Variants in MED14 observed in about 807,000 individuals in gnomAD.
The protein encoded by MED14 is mediator complex subunit 14.
MED14 carries 8 observed loss-of-function variants against 109.0 expected under a neutral mutation model. That is an observed-to-expected ratio of 0.07 (90% CI 0.04 to 0.13). The LOEUF is 0.13. MED14 is among the 10% of genes least tolerant of loss of function. The probability of loss-of-function intolerance (pLI) is 1.00; values close to 1 mark genes in which losing one functional copy is unlikely to be tolerated. For synonymous variants in MED14, 399 were observed against 408.7 expected (o/e 0.98, Z 0.29); for missense variants, 711 against 1,142.4 (o/e 0.62, Z 5.44).
intron 1 of MED14, among the ~76,000 whole-genome samples, chrX:40,733,107 ATTT>A (rs753217918): frequency 4.1e-5 from 4 of 98,668 alleles, no homozygotes; most frequent in Admixed American, 1.1e-4. Flanking sequence ...GATTATCAAT[ATTT>A]TTTTTTTTTT....
At chrX:40,726,911 T>A in intron 2 of MED14, 60 bp from the exon 3 acceptor site, 1 of 936,178 alleles carries the variant, frequency 1.1e-6, no homozygotes, top group South Asian at 2.3e-5. Flanking sequence ...TCACAATTTA[T>A]TTCAGCTAAG....
chrX:40,717,774 C>T (rs1457992821), intron 3 of MED14, among the ~76,000 whole-genome samples: 2 of 112,107 alleles, frequency 1.8e-5, no homozygotes, highest in Non-Finnish European at 3.8e-5. Context: ...CCACCCGCCT[C>T]AGCCTCCCAA....
intron 3 of MED14, among the ~76,000 whole-genome samples, chrX:40,717,614 C>G (rs897375477): frequency 1.8e-5 from 2 of 111,425 alleles, no homozygotes; most frequent in Admixed American, 1.9e-4. Flanking sequence ...CCTCCACCTC[C>G]CGGGTTCAAG....
chrX:40,723,854 A>G (rs1018084324), intron 3 of MED14, among the ~76,000 whole-genome samples: 10 of 110,529 alleles, frequency 9.0e-5, no homozygotes, highest in African/African-American at 1.6e-4. Flanking sequence ...ATCAATAATA[A>G]CACTGAATGT....
At chrX:40,660,732 G>C (rs776991305) in intron 26 of MED14, among the ~76,000 whole-genome samples, 1 of 112,409 alleles carries the variant, frequency 8.9e-6, no homozygotes, top group African/African-American at 3.2e-5. Flanking sequence ...TGGCATAGCT[G>C]AGGCTAGATC....
In MED14 at chrX:40,735,529, C is replaced by T; in HGVS notation, c.-117G>A. The T allele has an allele frequency of 1.4e-6, 1 of 728,231 alleles. No individual in the cohort carries two copies. The highest frequency in any genetic ancestry group is 2.1e-6 in the Non-Finnish European group (1 of 484,796). 60.0% of individuals were successfully genotyped at this position (728,231 alleles called of 1,213,427 possible). A position where few individuals can be genotyped will look rare whatever the true frequency, so the allele number is the denominator to read the frequency against. ...AGAGTCGCCACCGCCTACCGCCGGGCCGCCTCAGAACAGGAAGCCGTGCGC... is the reference window on the plus strand; with the variant it reads ...AGAGTCGCCACCGCCTACCGCCGGGTCGCCTCAGAACAGGAAGCCGTGCGC... On this transcript the variant is annotated 5_prime_UTR_variant, in exon 1 of 31. Coordinates refer to ENST00000324817, the MANE Select transcript of MED14 (RefSeq NM_004229.4).
At chrX:40,681,975 A>G in intron 18 of MED14, 32 bp from the exon 19 acceptor site, 1 of 724,786 alleles carries the variant, frequency 1.4e-6, no homozygotes. Context: ...GGAGATTAAT[A>G]TTATACATGT....
rs1037629990 is a variant in MED14, at chrX:40,651,251, A to G, written c.*555T>C. 4 of 752,630 alleles carry G rather than the reference A, an allele frequency of 5.3e-6. No homozygotes were observed. Among genetic ancestry groups the G allele is most frequent in the Middle Eastern group, 1.5e-3 (2 of 1,340 alleles). The allele number at this position is 752,630 out of a possible 1,213,427, so 62.0% of individuals were successfully genotyped here. On this transcript the variant is annotated 3_prime_UTR_variant, in exon 31 of 31. Transcript: ENST00000324817. Reference sequence around the variant, plus strand: ...TAAGATGTCTCTAGAGTTTATATACACACAAGTGAGTGTCACTGTTTTGTT... The same window carrying G: ...TAAGATGTCTCTAGAGTTTATATACGCACAAGTGAGTGTCACTGTTTTGTT...
rs1047124908 is a variant in MED14 at position 40,651,262 on chromosome X, T to C, written c.*544A>G. The C allele has an allele frequency of 6.4e-5, 48 of 752,655 alleles. No homozygotes were observed. In the African/African-American group the frequency reaches 1.1e-3, roughly 17 times the overall value. The allele number at this position is 752,655 out of a possible 1,213,427, so 62.0% of individuals were successfully genotyped here. A position where few individuals can be genotyped will look rare whatever the true frequency, so the allele number is the denominator to read the frequency against. On this transcript the variant is annotated 3_prime_UTR_variant, in exon 31 of 31. Coordinates refer to ENST00000324817, the MANE Select transcript of MED14 (RefSeq NM_004229.4). ...TAGAGTTTATATACACACAAGTGAG[T>C]GTCACTGTTTTGTTTTGTTTTTGAC...
chrX:40,649,701 A>G lies in MED14; in HGVS notation c.*2105T>C. On this transcript the variant is annotated 3_prime_UTR_variant, in exon 31 of 31. Coordinates refer to ENST00000324817, the MANE Select transcript of MED14 (RefSeq NM_004229.4). ...GGTAACAAAAGAGGCAAAAGACATGATTTGTGATGAAACTTACTATTCAAA... is the reference window on the plus strand; with the variant it reads ...GGTAACAAAAGAGGCAAAAGACATGGTTTGTGATGAAACTTACTATTCAAA... The G allele has an allele frequency of 1.1e-6, 1 of 899,678 alleles. No individual in the cohort carries two copies. The allele number at this position is 899,678 out of a possible 1,213,427, so 74.1% of individuals were successfully genotyped here.
intron 23 of MED14, among the ~76,000 whole-genome samples, chrX:40,669,274 T>C (rs1929635346): frequency 8.9e-6 from 1 of 111,761 alleles, no homozygotes; most frequent in African/African-American, 3.3e-5. Context: ...ATAAAAACAA[T>C]GTCAACTCCT....
intron 2 of MED14, among the ~76,000 whole-genome samples, chrX:40,727,623 T>C (rs1297610119): frequency 3.6e-5 from 4 of 111,806 alleles, no homozygotes; most frequent in Non-Finnish European, 5.6e-5. Flanking sequence ...CTCAACTTCA[T>C]AGCAGCTATA....
At chrX:40,729,603 TAA>T in intron 1 of MED14, 1 of 338,217 alleles carries the variant, frequency 3.0e-6, no homozygotes, top group Non-Finnish European at 5.1e-6. Context: ...CTTAAACATT[TAA>T]AAAGCCCAAG....
At chrX:40,663,328 A>G (rs1184078619) in intron 25 of MED14, among the ~76,000 whole-genome samples, 168 bp from the exon 26 acceptor site, 1 of 112,016 alleles carries the variant, frequency 8.9e-6, no homozygotes, top group Non-Finnish European at 1.9e-5. Context: ...AAAAATGGCC[A>G]CTATTTTTCT....
Position 40,686,932 on chromosome X carries a change from A to G in MED14, c.2057+1522T>C, listed in dbSNP as rs773299371. ...ATGTACCACATTAGCTTTACTTCTA[A>G]GCATCTTTTGGCTCCTCGTCCTTTG... is the stretch of plus-strand genomic sequence containing the variant. On this transcript the variant is annotated intron_variant, in intron 16 of 30. Transcript: ENST00000324817. Among the ~76,000 whole-genome samples, 5 of 104,402 alleles carry G rather than the reference A, an allele frequency of 4.8e-5. No individual in the cohort carries two copies. In the South Asian group the frequency reaches 1.6e-3, roughly 34 times the overall value. 90.7% of individuals were successfully genotyped at this position (104,402 alleles called of 115,157 possible).
At position 40,718,097 on chromosome X, in the gene MED14, AAAC is replaced by A. The variant is rs780712581; in HGVS notation, c.349-3390_349-3388del. Among the ~76,000 whole-genome samples the A allele has an allele frequency of 3.0e-3, 337 of 112,179 alleles. 5 individuals are homozygous for A. Among genetic ancestry groups the A allele is most frequent in the African/African-American group, 9.8e-3 (304 of 30,891 alleles). On this transcript the variant is annotated intron_variant, in intron 3 of 30. Transcript: ENST00000324817. ...AGAAAGTCAATAATCAGAAGAGCTG[AAAC>A]AACAACAACAAAAATATTTCTTCTA...
intron 3 of MED14, among the ~76,000 whole-genome samples, chrX:40,721,295 G>A (rs1396327969): frequency 9.0e-6 from 1 of 111,252 alleles, no homozygotes; most frequent in Admixed American, 9.5e-5. Flanking sequence ...AGGCCTGGCA[G>A]TATTCACCAC....
chrX:40,680,219 G>A, intron 20 of MED14, 86 bp from the exon 21 acceptor site: 1 of 967,708 alleles, frequency 1.0e-6, no homozygotes, highest in Non-Finnish European at 1.4e-6. Flanking sequence ...TGTCAAAAAT[G>A]AAACAACGTC....
At chrX:40,705,961 C>G (rs1011023723) in intron 10 of MED14, among the ~76,000 whole-genome samples, 2 of 111,525 alleles carry the variant, frequency 1.8e-5, no homozygotes, top group African/African-American at 6.5e-5. Flanking sequence ...CTCCTCTCCC[C>G]TAAACCATTT....
Sources: gnomAD v4.1 joint callset for allele counts (sites outside exome capture counted in the v4.1 genomes callset) on GRCh38, gnomAD v4.1.1 for gene constraint, MANE v1.5 for transcripts, NCBI Gene and HGNC (gene_info 2026-07-23, HGNC 2026-07-21) for gene names.